The following TMPRSS6 variants were observed in gnomAD, a reference collection of about 807,000 sequenced individuals.
TMPRSS6 encodes the protein transmembrane serine protease 6, also known as transmembrane protease serine 6.
Under a neutral mutation model 101.5 loss-of-function variants are expected in TMPRSS6, and 67 were observed. The ratio of observed to expected loss-of-function variants is 0.66; its 90% confidence interval spans 0.54 to 0.81. The LOEUF (loss-of-function observed/expected upper bound fraction) is 0.81. TMPRSS6 is among the 30% of genes least tolerant of loss of function. The pLI, the probability that TMPRSS6 is intolerant of heterozygous loss-of-function variation, is 0.00. For missense variants in TMPRSS6, 1,034 were observed against 1,088.7 expected, an observed-to-expected ratio of 0.95 and a Z score of 0.71; for synonymous variants, 453 against 464.9, an observed-to-expected ratio of 0.97 and a Z score of 0.33.
In TMPRSS6 at chr22:37,084,783, T is replaced by C; in HGVS notation, c.1030A>G (p.Thr344Ala). 1 of 1,566,168 alleles carries C rather than the reference T, an allele frequency of 6.4e-7. No individual in the cohort carries two copies. Among genetic ancestry groups the C allele is most frequent in the Non-Finnish European group, 8.7e-7 (1 of 1,154,880 alleles). Residue 344 changes from threonine to alanine, a missense_variant, in exon 9 of 18, where the codon ACC becomes GCC. Coordinates refer to ENST00000676104, the MANE Select transcript of TMPRSS6 (RefSeq NM_001374504.1). ...GAGTAGTAGCTGGGGAAGTACGGGG[T>C]GCTGAGGACGCCCTGGGAGTCGAGC... ...NRLDSQGVLS[T>A]PYFPSYYSPQ...
chr22:37,071,954 G>A (rs1926958813), intron 13 of TMPRSS6, among the ~76,000 whole-genome samples: 1 of 151,378 alleles, frequency 6.6e-6, no homozygotes. Flanking sequence ...GATGATGGAT[G>A]GATGATGGAT....
rs1251034441 is a variant in TMPRSS6 at position 37,074,695 on chromosome 22, C to T, written c.1356G>A (p.Glu452=). The change falls in exon 12 of 18, where the codon GAG becomes GAA. Residue 452 remains glutamate (E), a synonymous_variant. Coordinates refer to ENST00000676104, the MANE Select transcript of TMPRSS6 (RefSeq NM_001374504.1). ...LYNQSDPCPG[E]FLCSVNGLCV... is the part of the protein sequence containing the mutation. Reference sequence around the variant, plus strand: ...AGAGTCCATTCACAGAACAGAGGAACTCTCCAGGGCAGGCTGCAAAACCAC... The same window carrying T: ...AGAGTCCATTCACAGAACAGAGGAATTCTCCAGGGCAGGCTGCAAAACCAC... The T allele has an allele frequency of 3.7e-6, 6 of 1,614,100 alleles. No individual in the cohort carries two copies. Among genetic ancestry groups the T allele is most frequent in the Middle Eastern group, 3.3e-4 (2 of 6,084 alleles).
chr22:37,097,531 C>T (rs1197986179), intron 3 of TMPRSS6, among the ~76,000 whole-genome samples: 1 of 152,264 alleles, frequency 6.6e-6, no homozygotes, highest in Non-Finnish European at 1.5e-5. Context: ...TTCAGGGTTG[C>T]TCCTGGGAAT....
intron 6 of TMPRSS6, among the ~76,000 whole-genome samples, chr22:37,095,262 C>T (rs1283543930): frequency 3.3e-5 from 5 of 152,140 alleles, no homozygotes; most frequent in Non-Finnish European, 5.9e-5. Context: ...GAGTCACGTT[C>T]GTGGACCACT....
Position 37,073,088 on chromosome 22 carries a change from C to T in TMPRSS6, c.1555+444G>A, listed in dbSNP as rs1163365204. On this transcript the variant is annotated intron_variant, in intron 13 of 17. Transcript: ENST00000676104. Reference sequence around the variant, plus strand: ...ATGGATGGATGGATGGATGGATAGACGGATGATGGATGGATGGATGATGGA... The same window carrying T: ...ATGGATGGATGGATGGATGGATAGATGGATGATGGATGGATGGATGATGGA... 3.0e-4 allele frequency among the ~76,000 whole-genome samples: 26 copies of T among 85,876 alleles called. No individual in the cohort carries two copies. The South Asian group carries it at 3.1e-3, about 10-fold the overall frequency. 56.3% of individuals were successfully genotyped at this position (85,876 alleles called of 152,430 possible). A position where few individuals can be genotyped will look rare whatever the true frequency, so the allele number is the denominator to read the frequency against.
chr22:37,078,346 A>C (rs1374841975), intron 10 of TMPRSS6, among the ~76,000 whole-genome samples: 3 of 152,334 alleles, frequency 2.0e-5, no homozygotes, highest in South Asian at 4.1e-4. Context: ...TGCTACAGGA[A>C]GTTCTCTCAA....
At chr22:37,089,543 A>AGG in intron 7 of TMPRSS6, 35 bp downstream of exon 7, 1 of 1,328,988 alleles carries the variant, frequency 7.5e-7, no homozygotes, top group Non-Finnish European at 1.1e-6. Flanking sequence ...TCCCTTTTCC[A>AGG]GCCCTCCCTC....
intron 8 of TMPRSS6, among the ~76,000 whole-genome samples, chr22:37,085,646 G>A (rs903645328): frequency 6.6e-6 from 1 of 152,154 alleles, no homozygotes; most frequent in Non-Finnish European, 1.5e-5. Flanking sequence ...GTCCCATGCG[G>A]GGTGGGACGT....
intron 4 of TMPRSS6, 140 bp from the exon 5 acceptor site, chr22:37,096,230 C>CCT: frequency 1.1e-6 from 1 of 921,810 alleles, no homozygotes; most frequent in Non-Finnish European, 1.7e-6. Context: ...CTAGCGACCT[C>CCT]TGAAGGAGGC....
intron 10 of TMPRSS6, among the ~76,000 whole-genome samples, chr22:37,077,436 C>G (rs1195604553): frequency 6.6e-6 from 1 of 152,236 alleles, no homozygotes; most frequent in Non-Finnish European, 1.5e-5. Context: ...TTACACCAAC[C>G]AGCAGTTCTC....
In TMPRSS6 at chr22:37,084,857, C is replaced by T. The variant is rs376433200; in HGVS notation, c.974-18G>A. On this transcript the variant is annotated intron_variant, in intron 8 of 17. Coordinates refer to ENST00000676104, the MANE Select transcript of TMPRSS6 (RefSeq NM_001374504.1). ...TTCACAGGCTGGACCAGGAGAGCAGCTGTTACACAGGGGTCCCCTGGCTGC... is the reference window on the plus strand; with the variant it reads ...TTCACAGGCTGGACCAGGAGAGCAGTTGTTACACAGGGGTCCCCTGGCTGC... 290 of 1,547,480 alleles carry T rather than the reference C, an allele frequency of 1.9e-4. 1 individual carries two copies. The highest frequency in any genetic ancestry group is 5.6e-4 in the South Asian group (47 of 84,030).
In TMPRSS6 at chr22:37,066,037, C is replaced by T. The variant is rs757541232; in HGVS notation, c.*43G>A. 12 of 1,612,248 alleles carry T rather than the reference C, an allele frequency of 7.4e-6. No individual in the cohort carries two copies. Among genetic ancestry groups the T allele is most frequent in the Non-Finnish European group, 1.0e-5 (12 of 1,179,322 alleles). On this transcript the variant is annotated 3_prime_UTR_variant, in exon 18 of 18. Transcript: ENST00000676104. ...CTGCTTGGCAGTTGCCCTGGGCTCTCTGAGTCCAGGAGGTGGGCCCTGCTT... is the reference window on the plus strand; with the variant it reads ...CTGCTTGGCAGTTGCCCTGGGCTCTTTGAGTCCAGGAGGTGGGCCCTGCTT...
chr22:37,086,589 C>T (rs1928806528), intron 7 of TMPRSS6, among the ~76,000 whole-genome samples, 170 bp from the exon 8 acceptor site: 1 of 152,138 alleles, frequency 6.6e-6, no homozygotes, highest in Non-Finnish European at 1.5e-5. Context: ...TTCTGTGTCT[C>T]CCCAGCCCCA....
intron 1 of TMPRSS6, among the ~76,000 whole-genome samples, chr22:37,108,189 G>A (rs1930831961): frequency 6.6e-6 from 1 of 152,192 alleles, no homozygotes. Context: ...GGCACCAAGA[G>A]CCCTCGTGGA....
intron 10 of TMPRSS6, among the ~76,000 whole-genome samples, chr22:37,081,198 G>A (rs188132191): frequency 1.2e-4 from 18 of 152,350 alleles, no homozygotes; most frequent in Admixed American, 7.8e-4. Context: ...AGTGAGAGCC[G>A]GTGATGAACG....
intron 11 of TMPRSS6, 125 bp from the exon 12 acceptor site, chr22:37,074,833 G>A (rs564708213): frequency 4.1e-5 from 41 of 1,008,832 alleles, no homozygotes; most frequent in Non-Finnish European, 5.8e-5. Context: ...ACCCACAGAC[G>A]TGGTCCTGGG....
At chr22:37,068,469 C>T (rs989298361) in intron 16 of TMPRSS6, 13 of 636,438 alleles carry the variant, frequency 2.0e-5, no homozygotes, top group Non-Finnish European at 2.6e-5. Flanking sequence ...CAAAACTGTG[C>T]GGTGGCCGCC....
At chr22:37,094,510 C>A (rs967130744) in intron 6 of TMPRSS6, among the ~76,000 whole-genome samples, 1 of 144,216 alleles carries the variant, frequency 6.9e-6, no homozygotes, top group Non-Finnish European at 1.5e-5. Flanking sequence ...AGTTAGATAA[C>A]TAGATAGACA....
At chr22:37,070,383 C>G in intron 15 of TMPRSS6, 101 bp downstream of exon 15, 9 of 1,483,766 alleles carry the variant, frequency 6.1e-6, no homozygotes, top group Non-Finnish European at 8.4e-6. Flanking sequence ...GGTCCACCAC[C>G]CTTCCCTCTA....
Sources: gnomAD v4.1 joint callset for allele counts (sites outside exome capture counted in the v4.1 genomes callset) on GRCh38, gnomAD v4.1.1 for gene constraint, MANE v1.5 for transcripts, NCBI Gene and HGNC (gene_info 2026-07-23, HGNC 2026-07-21) for gene names.